The following ANKUB1 variants were observed in gnomAD, a reference collection of about 807,000 sequenced individuals.
The protein encoded by ANKUB1 is protein ANKUB1.
ANKUB1 carries 42 observed loss-of-function variants against 49.3 expected under a neutral mutation model. The observed-to-expected ratio is 0.85, with a 90% CI of 0.67 to 1.10. The LOEUF is 1.10. Ranked by LOEUF, ANKUB1 falls within the 50% of genes least tolerant of loss-of-function variation. The pLI, the probability that ANKUB1 is intolerant of heterozygous loss-of-function variation, is 0.00. For missense variants in ANKUB1, 613 were observed against 642.0 expected, an observed-to-expected ratio of 0.95 and a Z score of 0.49; for synonymous variants, 222 against 231.0, an observed-to-expected ratio of 0.96 and a Z score of 0.35.
chr3:149,791,517 G>A (rs1718359924), intron 1 of ANKUB1, among the ~76,000 whole-genome samples: 1 of 152,066 alleles, frequency 6.6e-6, no homozygotes, highest in Non-Finnish European at 1.5e-5. Flanking sequence ...TTCCAAAGGG[G>A]TTAATAAAAC....
intron 3 of ANKUB1, among the ~76,000 whole-genome samples, chr3:149,776,666 A>G (rs568390565): frequency 3.3e-5 from 5 of 152,272 alleles, no homozygotes; most frequent in African/African-American, 1.2e-4. Flanking sequence ...TCCTCTACTT[A>G]AATGTGATCT....
chr3:149,772,618 T>C (rs1200140638), intron 3 of ANKUB1, among the ~76,000 whole-genome samples: 2 of 152,236 alleles, frequency 1.3e-5, no homozygotes, highest in African/African-American at 4.8e-5. Flanking sequence ...TTCGTAGCTC[T>C]TAACCTCTGC....
rs532722797 is a variant in ANKUB1 at position 149,790,966 on chromosome 3, C to T, written c.91-42G>A. ...ATATTATGAAAACAGTACATCCTTA[C>T]GTTACTAGACCAGAAATGTACTCTC... is the stretch of plus-strand genomic sequence containing the variant. On this transcript the variant is annotated intron_variant, in intron 1 of 5. Transcript: ENST00000446160. 1.6e-4 allele frequency: 250 copies of T among 1,521,172 alleles called. 1 individual carries two copies. In the African/African-American group the frequency reaches 1.8e-3, roughly 11 times the overall value. 94.2% of individuals were successfully genotyped at this position (1,521,172 alleles called of 1,614,324 possible). A position where few individuals can be genotyped will look rare whatever the true frequency, so the allele number is the denominator to read the frequency against.
In ANKUB1 at chr3:149,792,417, C is replaced by G; in HGVS notation, c.-51G>C. 1 of 1,372,648 alleles carries G rather than the reference C, an allele frequency of 7.3e-7. No individual in the cohort carries two copies. The highest frequency in any genetic ancestry group is 1.5e-5 in the South Asian group (1 of 65,280). 85.0% of individuals were successfully genotyped at this position (1,372,648 alleles called of 1,614,324 possible). ...AATATCCAACTTTTTCAAAGATTCT[C>G]CTGGATGGCTAGAAAAATTCCGGTT... On this transcript the variant is annotated 5_prime_UTR_variant, in exon 1 of 6. Transcript: ENST00000446160.
At chr3:149,792,185 C>T in intron 1 of ANKUB1, 92 bp downstream of exon 1, 2 of 796,306 alleles carry the variant, frequency 2.5e-6, no homozygotes, top group Non-Finnish European at 3.5e-6. Context: ...TGAAAATGTA[C>T]CCAATAGCAT....
chr3:149,766,273 C>T (rs890796375), intron 5 of ANKUB1, among the ~76,000 whole-genome samples: 1 of 152,046 alleles, frequency 6.6e-6, no homozygotes, highest in African/African-American at 2.4e-5. Flanking sequence ...CAGATCTCAC[C>T]CCATATGTGT....
At chr3:149,762,069 T>C (rs1716805912) in intron 5 of ANKUB1, among the ~76,000 whole-genome samples, 1 of 152,232 alleles carries the variant, frequency 6.6e-6, no homozygotes, top group African/African-American at 2.4e-5. Context: ...TCTCTGGCTA[T>C]ATACTAATAA....
chr3:149,788,820 A>G (rs1718228269), intron 2 of ANKUB1, among the ~76,000 whole-genome samples: 1 of 151,956 alleles, frequency 6.6e-6, no homozygotes, highest in South Asian at 2.1e-4. Flanking sequence ...TCTATCACCT[A>G]GGCTGGAGTA....
intron 3 of ANKUB1, among the ~76,000 whole-genome samples, chr3:149,773,451 C>T (rs1717453338): frequency 6.6e-6 from 1 of 152,190 alleles, no homozygotes; most frequent in African/African-American, 2.4e-5. Flanking sequence ...AGAGTTTACT[C>T]TCCTTGCTGG....
At chr3:149,762,197 C>G (rs1027472990) in intron 5 of ANKUB1, among the ~76,000 whole-genome samples, 1 of 152,160 alleles carries the variant, frequency 6.6e-6, no homozygotes, top group African/African-American at 2.4e-5. Flanking sequence ...TGGTCCTCCT[C>G]TCTTTCTACA....
chr3:149,784,857 A>G (rs535664604), intron 2 of ANKUB1, among the ~76,000 whole-genome samples: 4 of 152,286 alleles, frequency 2.6e-5, no homozygotes, highest in South Asian at 2.1e-4. Context: ...ATCATATACC[A>G]TCTTGTTAAT....
At position 149,792,455 on chromosome 3, in the gene ANKUB1, C is replaced by A. The variant is rs151019375; in HGVS notation, c.-89G>T. On this transcript the variant is annotated 5_prime_UTR_variant, in exon 1 of 6. Coordinates refer to ENST00000446160, the MANE Select transcript of ANKUB1 (RefSeq NM_001144960.3). ...AAAAATTCCGGTTCACAATTAAGGA[C>A]AAAAATGATAGCCAGAGGCAGCTGT... 0.012 allele frequency: 12,342 copies of A among 1,036,128 alleles called. 115 individuals carry two copies. Among genetic ancestry groups the A allele is most frequent in the Non-Finnish European group, 0.012 (9,267 of 747,592 alleles). 64.2% of individuals were successfully genotyped at this position (1,036,128 alleles called of 1,614,324 possible).
intron 3 of ANKUB1, among the ~76,000 whole-genome samples, chr3:149,774,343 A>G (rs1349406698): frequency 6.6e-6 from 1 of 152,040 alleles, no homozygotes; most frequent in Non-Finnish European, 1.5e-5. Flanking sequence ...TCCCTGATGG[A>G]TCTCCCTGAG....
At chr3:149,761,829 T>C (rs1716797544) in intron 5 of ANKUB1, among the ~76,000 whole-genome samples, 1 of 152,176 alleles carries the variant, frequency 6.6e-6, no homozygotes, top group South Asian at 2.1e-4. Context: ...AAACTTAGAA[T>C]CCACAACTAG....
At chr3:149,783,785 C>T (rs1559870062) in intron 2 of ANKUB1, 1 of 152,170 alleles carries the variant, frequency 6.6e-6, no homozygotes, top group Admixed American at 6.5e-5. Context: ...CCATAAACTT[C>T]TCCTCTTGTG....
intron 1 of ANKUB1, 37 bp from the exon 2 acceptor site, chr3:149,790,961 C>G: frequency 1.3e-6 from 2 of 1,532,104 alleles, no homozygotes; most frequent in Non-Finnish European, 1.8e-6. Context: ...AACAGTACAT[C>G]CTTACGTTAC....
intron 2 of ANKUB1, among the ~76,000 whole-genome samples, chr3:149,781,125 C>T (rs1717851010): frequency 6.6e-6 from 1 of 151,758 alleles, no homozygotes; most frequent in Non-Finnish European, 1.5e-5. Flanking sequence ...TGCACCTGGC[C>T]TACTTTTACT....
chr3:149,778,705 C>T (rs1458312452), intron 3 of ANKUB1: 3 of 152,166 alleles, frequency 2.0e-5, no homozygotes, highest in African/African-American at 7.2e-5. Flanking sequence ...TGTAGAACTT[C>T]ACTTCCCCTG....
chr3:149,766,708 G>A, intron 5 of ANKUB1: 2 of 674,524 alleles, frequency 3.0e-6, no homozygotes, highest in Non-Finnish European at 5.1e-6. Flanking sequence ...TGAGATGGGA[G>A]AATTGCTTGA....
Sources: allele counts gnomAD v4.1 joint callset (sites outside exome capture counted in the v4.1 genomes callset), GRCh38; gene constraint gnomAD v4.1.1; transcripts MANE v1.5; gene names NCBI Gene and HGNC (gene_info 2026-07-23, HGNC 2026-07-21).